CACNA1C: variants seen among roughly 807,000 people sequenced by gnomAD.
CACNA1C encodes the protein calcium voltage-gated channel subunit alpha1 C.
A neutral mutation model predicts 229.0 loss-of-function variants in CACNA1C; 30 were observed. The ratio of observed to expected loss-of-function variants is 0.13; its 90% confidence interval spans 0.10 to 0.18. The LOEUF (loss-of-function observed/expected upper bound fraction) is 0.18. CACNA1C is among the 10% of genes least tolerant of loss of function. CACNA1C has a pLI of 1.00. For missense variants in CACNA1C, 1,658 were observed against 2,845.0 expected, an observed-to-expected ratio of 0.58 and a Z score of 9.49; for synonymous variants, 1,114 against 1,132.5, an observed-to-expected ratio of 0.98 and a Z score of 0.33.
In CACNA1C at chr12:2,259,490, C is replaced by T. The variant is rs903743594; in HGVS notation, c.477+139060C>T. Among the ~76,000 whole-genome samples the T allele has an allele frequency of 3.9e-5, 6 of 152,284 alleles. No homozygotes were observed. In the East Asian group the frequency reaches 1.2e-3, roughly 29 times the overall value. On this transcript the variant is annotated intron_variant, in intron 3 of 46. Coordinates refer to ENST00000399655, the MANE Select transcript of CACNA1C (RefSeq NM_000719.7). ...CCTCAGGAGACCAGAAGTAAGTTGC[C>T]TCTTTAAGAAGCAGAGCCGCTTTGA...
intron 1 of CACNA1C, among the ~76,000 whole-genome samples, chr12:2,096,067 C>T (rs980883280): frequency 2.6e-5 from 4 of 152,184 alleles, no homozygotes; most frequent in African/African-American, 9.7e-5. Flanking sequence ...GAGATACTCA[C>T]AGGTGCCCAG....
intron 1 of CACNA1C, among the ~76,000 whole-genome samples, chr12:2,073,258 CATG>C (rs2062010632): frequency 6.6e-6 from 1 of 152,204 alleles, no homozygotes; most frequent in African/African-American, 2.4e-5. Flanking sequence ...CAGGATGAAA[CATG>C]ATATTTTGTG....
chr12:2,456,463 G>A (rs1404410219), intron 4 of CACNA1C, among the ~76,000 whole-genome samples: 4 of 152,278 alleles, frequency 2.6e-5, no homozygotes, highest in Admixed American at 1.3e-4. Context: ...ACCAGCACCC[G>A]GTGGGGTTCC....
intron 3 of CACNA1C, among the ~76,000 whole-genome samples, chr12:2,256,586 G>A (rs985060432): frequency 3.3e-5 from 5 of 152,196 alleles, no homozygotes; most frequent in African/African-American, 1.2e-4. Flanking sequence ...CAGTTAACCA[G>A]TTAGAGATGA....
At chr12:2,568,489 A>G (rs1262243787) in intron 13 of CACNA1C, among the ~76,000 whole-genome samples, 1 of 152,234 alleles carries the variant, frequency 6.6e-6, no homozygotes, top group Non-Finnish European at 1.5e-5. Context: ...AATTGAAAGT[A>G]GGATCTCAAA....
At chr12:2,485,396 T>C in intron 5 of CACNA1C, among the ~76,000 whole-genome samples, 1 of 152,128 alleles carries the variant, frequency 6.6e-6, no homozygotes. Flanking sequence ...CCATCCCCAG[T>C]GTGTTATTTC....
At chr12:2,560,969 A>G (rs565230569) in intron 11 of CACNA1C, among the ~76,000 whole-genome samples, 113 of 152,148 alleles carry the variant, frequency 7.4e-4, no homozygotes, top group African/African-American at 2.6e-3. Context: ...CATGTCAAGC[A>G]AACTATTTTA....
chr12:2,245,921 A>G (rs1054490018), intron 3 of CACNA1C, among the ~76,000 whole-genome samples: 29 of 152,170 alleles, frequency 1.9e-4, no homozygotes, highest in Admixed American at 1.9e-3. Context: ...TTTGGCCCCA[A>G]GGGTTTCCAA....
chr12:2,674,447 G>T, intron 38 of CACNA1C, 94 bp from the exon 39 acceptor site: 3 of 1,485,164 alleles, frequency 2.0e-6, no homozygotes, highest in African/African-American at 1.4e-5. Context: ...GTTGCGTGGG[G>T]CAGATGCCAC....
Position 2,053,624 on chromosome 12 carries a change from C to A in CACNA1C, c.49+13C>A. The A allele has an allele frequency of 6.3e-7, 1 of 1,582,330 alleles. No individual in the cohort carries two copies. Among genetic ancestry groups the A allele is most frequent in the Non-Finnish European group, 8.6e-7 (1 of 1,165,194 alleles). The stretch of plus-strand genomic sequence containing the variant: ...GAAAACCACCAAGGTAAGGCTGGAC[C>A]CCGCCGCCTCGCCGGGGCTCCCTGC... On this transcript the variant is annotated intron_variant, in intron 1 of 46. Transcript: ENST00000399655. The surrounding 1 kb of genome is among the most constrained non-coding windows in gnomAD (Gnocchi z 5.8).
chr12:2,682,952 A>C (rs1366156261), intron 43 of CACNA1C, among the ~76,000 whole-genome samples: 3 of 4,666 alleles, frequency 6.4e-4, no homozygotes, highest in Non-Finnish European at 1.6e-3. Context: ...CCTCGCCAGG[A>C]AAATTTCTGA....
chr12:2,119,880 GTC>G (rs1414727403), intron 2 of CACNA1C, among the ~76,000 whole-genome samples: 2 of 152,256 alleles, frequency 1.3e-5, no homozygotes. Context: ...CCCAGAGAAA[GTC>G]TCTCTGTCTT....
intron 1 of CACNA1C, among the ~76,000 whole-genome samples, chr12:1,980,431 T>A (rs550584194): frequency 3.9e-4 from 60 of 152,268 alleles, no homozygotes; most frequent in South Asian, 8.3e-4. Flanking sequence ...TGGCTTGTCT[T>A]TCTGTTGTTA....
chr12:2,407,653 A>G (rs1456810579), intron 3 of CACNA1C, among the ~76,000 whole-genome samples: 1 of 75,262 alleles, frequency 1.3e-5, no homozygotes, highest in Non-Finnish European at 2.9e-5. Context: ...AGCCGTCCTG[A>G]TAAGTGTGCG....
Position 2,665,018 on chromosome 12 carries a change from G to T in CACNA1C, c.4398+28G>T, listed in dbSNP as rs374543214. The T allele has an allele frequency of 1.9e-6, 3 of 1,612,542 alleles. No homozygotes were observed. The highest frequency in any genetic ancestry group is 2.5e-6 in the Non-Finnish European group (3 of 1,179,250). On this transcript the variant is annotated intron_variant, in intron 35 of 46. Transcript: ENST00000399655. The surrounding 1 kb of genome is among the most constrained non-coding windows in gnomAD (Gnocchi z 5.9). Reference sequence around the variant, plus strand: ...AAGCCAAGGGGGAACTCAACAGCCAGCAGCCATGACTGCCCAGTTCCAGGG... The same window carrying T: ...AAGCCAAGGGGGAACTCAACAGCCATCAGCCATGACTGCCCAGTTCCAGGG...
At chr12:2,340,287 G>A (rs976555862) in intron 3 of CACNA1C, among the ~76,000 whole-genome samples, 1 of 152,210 alleles carries the variant, frequency 6.6e-6, no homozygotes, top group African/African-American at 2.4e-5. Flanking sequence ...GAAAAGTTAT[G>A]TTTTTTGCTT....
chr12:2,138,824 A>G (rs982986052), intron 3 of CACNA1C, among the ~76,000 whole-genome samples: 10 of 150,838 alleles, frequency 6.6e-5, no homozygotes, highest in African/African-American at 2.4e-4. Context: ...ACCCTGCCTC[A>G]GGTATTCCTT....
chr12:2,060,078 A>G (rs2056882935), intron 1 of CACNA1C, among the ~76,000 whole-genome samples: 1 of 152,274 alleles, frequency 6.6e-6, no homozygotes, highest in Non-Finnish European at 1.5e-5. Flanking sequence ...CATGTCCACA[A>G]GAAACTCCTG....
intron 5 of CACNA1C, among the ~76,000 whole-genome samples, chr12:2,481,643 C>A (rs1467621476): frequency 6.6e-6 from 1 of 152,224 alleles, no homozygotes; most frequent in African/African-American, 2.4e-5. Flanking sequence ...TCCAAACTAG[C>A]GAGACTGAAT....
Sources: gnomAD v4.1 joint callset for allele counts (sites outside exome capture counted in the v4.1 genomes callset) on GRCh38, gnomAD v4.1.1 for gene constraint, Gnocchi (gnomAD v3.1) non-coding constraint, MANE v1.5 for transcripts, NCBI Gene and HGNC (gene_info 2026-07-23, HGNC 2026-07-21) for gene names.